CEP128: variants seen among roughly 807,000 people sequenced by gnomAD.
CEP128 encodes centrosomal protein 128, also known as centrosomal protein 128kDa.
CEP128 carries 132 observed loss-of-function variants against 156.7 expected under a neutral mutation model. The observed-to-expected ratio is 0.84, with a 90% CI of 0.73 to 0.97. CEP128 has a LOEUF of 0.97. CEP128 is among the 50% of genes least tolerant of loss of function. The pLI is 0.00. For missense variants in CEP128, 1,252 were observed against 1,281.9 expected, an observed-to-expected ratio of 0.98 and a Z score of 0.36; for synonymous variants, 469 against 448.9, an observed-to-expected ratio of 1.04 and a Z score of -0.57.
rs567497240 is a variant in CEP128 at position 80,624,776 on chromosome 14, TTCTGTTGAGTTG to T, written c.2807-44365_2807-44354del. Reference sequence around the variant, plus strand: ...GCCCATTTTTTAATGATTATTTGTTTTCTGTTGAGTTGTCTGAGTTCTTTACATATTCTGAAT... The same window carrying T: ...GCCCATTTTTTAATGATTATTTGTTTTCTGAGTTCTTTACATATTCTGAAT... On this transcript the variant is annotated intron_variant, in intron 19 of 24. Coordinates refer to ENST00000555265, the MANE Select transcript of CEP128 (RefSeq NM_152446.5). Among the ~76,000 whole-genome samples the T allele has an allele frequency of 4.5e-3, 683 of 152,248 alleles. 2 individuals carry two copies. Among genetic ancestry groups the T allele is most frequent in the Admixed American group, 5.4e-3 (83 of 15,290 alleles).
At position 80,895,852 on chromosome 14, in the gene CEP128, G is replaced by A. The variant is rs541130878; in HGVS notation, c.573-62C>T. 129 of 1,123,960 alleles carry A rather than the reference G, an allele frequency of 1.1e-4. 1 individual carries two copies. In the South Asian group the frequency reaches 1.9e-3, roughly 17 times the overall value. 69.6% of individuals were successfully genotyped at this position (1,123,960 alleles called of 1,614,324 possible). A position where few individuals can be genotyped will look rare whatever the true frequency, so the allele number is the denominator to read the frequency against. The stretch of plus-strand genomic sequence containing the variant: ...TATTTAGAAAATACACAGAACGAGT[G>A]AAATGTATAACATGATAATTATGTT... On this transcript the variant is annotated intron_variant, in intron 7 of 24. Coordinates refer to ENST00000555265, the MANE Select transcript of CEP128 (RefSeq NM_152446.5).
At chr14:80,880,032 G>C (rs1888457866) in intron 8 of CEP128, among the ~76,000 whole-genome samples, 1 of 152,128 alleles carries the variant, frequency 6.6e-6, no homozygotes. Context: ...CATCACAAGA[G>C]AAGAAAGCTA....
intron 5 of CEP128, chr14:80,905,552 T>A (rs1045553574): frequency 2.4e-5 from 4 of 167,720 alleles, no homozygotes; most frequent in African/African-American, 9.6e-5. Flanking sequence ...TCTACCTGCA[T>A]GCCAAGACTA....
chr14:80,784,831 T>C lies in CEP128; in HGVS notation c.2211+64A>G, dbSNP rs933071801. 3.0e-6 allele frequency: 4 copies of C among 1,343,800 alleles called. No individual in the cohort carries two copies. In the African/African-American group the frequency reaches 5.8e-5, roughly 20 times the overall value. 83.2% of individuals were successfully genotyped at this position (1,343,800 alleles called of 1,614,324 possible). On this transcript the variant is annotated intron_variant, in intron 15 of 24. Coordinates refer to ENST00000555265, the MANE Select transcript of CEP128 (RefSeq NM_152446.5). ...GAATGATCTCTAAAAGTTTACGCTT[T>C]ATTAACTTCATGAGCCACCAGAAAA...
intron 21 of CEP128, among the ~76,000 whole-genome samples, chr14:80,556,522 T>C (rs545251207): frequency 5.3e-5 from 8 of 152,258 alleles, no homozygotes; most frequent in Non-Finnish European, 1.0e-4. Flanking sequence ...GAGGGAAAAG[T>C]TGAGGAAGAC....
chr14:80,916,187 A>G (rs1884541910), intron 3 of CEP128, among the ~76,000 whole-genome samples: 1 of 152,196 alleles, frequency 6.6e-6, no homozygotes, highest in South Asian at 2.1e-4. Flanking sequence ...TAGAGCCTCC[A>G]GAGAGGAACA....
intron 13 of CEP128, among the ~76,000 whole-genome samples, chr14:80,825,703 C>T (rs1394407773): frequency 1.3e-5 from 2 of 152,134 alleles, no homozygotes; most frequent in African/African-American, 2.4e-5. Context: ...AGAAAAACCA[C>T]CTTTCCTCAT....
chr14:80,785,115 T>C lies in CEP128; in HGVS notation c.1991A>G (p.Asp664Gly). ...TGCCTGTGCAGTGAGGTCAGAAAGGTCCTTAAGCACTGCTTTCTTGGCTCT... is the reference window on the plus strand; with the variant it reads ...TGCCTGTGCAGTGAGGTCAGAAAGGCCCTTAAGCACTGCTTTCTTGGCTCT... ...EERAKKAVLK[D>G]LSDLTAQAKS... The change falls in exon 15 of 25, where the codon GAC becomes GGC. Residue 664 changes from aspartate to glycine, a missense_variant. Coordinates refer to ENST00000555265, the MANE Select transcript of CEP128 (RefSeq NM_152446.5). The C allele has an allele frequency of 6.2e-7, 1 of 1,614,156 alleles. No individual in the cohort carries two copies. Among genetic ancestry groups the C allele is most frequent in the Non-Finnish European group, 8.5e-7 (1 of 1,179,980 alleles).
At chr14:80,945,801 A>G (rs1886326727), upstream of CEP128, 1 of 152,244 alleles carries the variant, frequency 6.6e-6, no homozygotes, top group Non-Finnish European at 1.5e-5. Flanking sequence ...TAAAGCAGTG[A>G]AAGGAAATAA....
At chr14:80,665,806 A>C (rs1354490816) in intron 19 of CEP128, among the ~76,000 whole-genome samples, 4 of 152,206 alleles carry the variant, frequency 2.6e-5, no homozygotes, top group African/African-American at 9.7e-5. Flanking sequence ...TTCAGGTCTA[A>C]ACTCAAAAAA....
chr14:80,928,691 A>G (rs1264851193), intron 2 of CEP128, among the ~76,000 whole-genome samples: 1 of 152,186 alleles, frequency 6.6e-6, no homozygotes, highest in Admixed American at 6.5e-5. Flanking sequence ...TTCCTGAGAA[A>G]GAAGGTAGAT....
rs892400978 is a variant in CEP128 at position 80,862,763 on chromosome 14, T to C, written c.756A>G (p.Leu252=). 8.1e-6 allele frequency: 13 copies of C among 1,601,560 alleles called. No homozygotes were observed. Among genetic ancestry groups the C allele is most frequent in the Non-Finnish European group, 1.1e-5 (13 of 1,168,698 alleles). Residue 252 remains leucine, a synonymous_variant, in exon 9 of 25, where the codon CTA becomes CTG. Transcript: ENST00000555265. Reference sequence around the variant, plus strand: ...GAAAGTGTTTTTCACAAACCTCCTGTAGCTGCAGGGACATGAGTCCCAGTT... The same window carrying C: ...GAAAGTGTTTTTCACAAACCTCCTGCAGCTGCAGGGACATGAGTCCCAGTT... ...QDQLGLMSLQ[L]QEALKKQEAK...
chr14:80,799,062 G>T (rs986054746), intron 13 of CEP128, among the ~76,000 whole-genome samples: 1 of 152,160 alleles, frequency 6.6e-6, no homozygotes, highest in Non-Finnish European at 1.5e-5. Context: ...CACATCTCTA[G>T]GAAGACAGTG....
At chr14:80,686,469 A>G (rs1896527181) in intron 19 of CEP128, among the ~76,000 whole-genome samples, 1 of 152,176 alleles carries the variant, frequency 6.6e-6, no homozygotes, top group African/African-American at 2.4e-5. Context: ...TCACTACAAA[A>G]ACATACTGAA....
At chr14:80,733,293 C>T (rs1898364892) in intron 19 of CEP128, among the ~76,000 whole-genome samples, 1 of 151,560 alleles carries the variant, frequency 6.6e-6, no homozygotes, top group Admixed American at 6.6e-5. Flanking sequence ...CTCTGGCTTG[C>T]TGACCATAGA....
intron 19 of CEP128, among the ~76,000 whole-genome samples, chr14:80,672,546 T>C (rs974728128): frequency 3.3e-5 from 5 of 152,196 alleles, no homozygotes; most frequent in Non-Finnish European, 7.4e-5. Flanking sequence ...ACGGAAGCCA[T>C]AATAATTTTG....
chr14:80,650,561 A>G (rs1446044948), intron 19 of CEP128, among the ~76,000 whole-genome samples: 1 of 152,128 alleles, frequency 6.6e-6, no homozygotes, highest in Non-Finnish European at 1.5e-5. Flanking sequence ...GGTGTGTCAT[A>G]AATAGCTCTT....
intron 23 of CEP128, among the ~76,000 whole-genome samples, chr14:80,508,279 C>T (rs1017164651): frequency 2.6e-5 from 4 of 152,154 alleles, no homozygotes; most frequent in Non-Finnish European, 5.9e-5. Flanking sequence ...ATGGCACTGA[C>T]ATATTTCATT....
chr14:80,543,138 T>C (rs1889838960), intron 21 of CEP128, among the ~76,000 whole-genome samples: 1 of 152,206 alleles, frequency 6.6e-6, no homozygotes. Context: ...CATTGTGGCA[T>C]TGAGATTTAT....
Sources: gnomAD v4.1 joint callset for allele counts (sites outside exome capture counted in the v4.1 genomes callset) on GRCh38, gnomAD v4.1.1 for gene constraint, MANE v1.5 for transcripts, NCBI Gene and HGNC (gene_info 2026-07-23, HGNC 2026-07-21) for gene names.